VDAC2: variants seen among roughly 807,000 people sequenced by gnomAD.
VDAC2 encodes the protein non-selective voltage-gated ion channel VDAC2.
VDAC2 carries 6 observed loss-of-function variants against 36.6 expected under a neutral mutation model. The ratio of observed to expected loss-of-function variants is 0.16; its 90% CI spans 0.09 to 0.32. VDAC2 has a LOEUF of 0.32. Among genes scored for constraint, VDAC2 ranks in the 10% least tolerant of loss-of-function variants. VDAC2 has a pLI of 1.00. For synonymous variants in VDAC2, 109 were observed against 123.8 expected (o/e 0.88, Z 0.79); for missense variants, 247 against 346.0 (o/e 0.71, Z 2.27).
chr10:75,211,882 C>T (rs971612135), intron 2 of VDAC2, among the ~76,000 whole-genome samples: 9 of 152,208 alleles, frequency 5.9e-5, no homozygotes, highest in African/African-American at 1.2e-4. Flanking sequence ...ATCAGCTCAT[C>T]TCAGTGAATT....
chr10:75,227,600 G>T lies in VDAC2; in HGVS notation c.736-2044G>T, dbSNP rs998748841. ...GAATTTTTTTTTTTTTTTTTTTTTG[G>T]AGACAGAGTCTCACTTTGTTACCCT... On this transcript the variant is annotated intron_variant, in intron 8 of 9. Coordinates refer to ENST00000332211, the MANE Select transcript of VDAC2 (RefSeq NM_001391963.1). Among the ~76,000 whole-genome samples the T allele has an allele frequency of 2.4e-3, 76 of 32,078 alleles. 1 individual carries two copies. The highest frequency in any genetic ancestry group is 0.016 in the African/African-American group (70 of 4,404). The allele number at this position is 32,078 out of a possible 152,430, so 21.0% of individuals were successfully genotyped here.
chr10:75,218,928 G>T, intron 4 of VDAC2, 135 bp from the exon 5 acceptor site: 1 of 857,932 alleles, frequency 1.2e-6, no homozygotes, highest in Non-Finnish European at 1.7e-6. Context: ...AAGGATACGA[G>T]TGTTTAGGAA....
chr10:75,218,933 T>C (rs1841702616), intron 4 of VDAC2, 130 bp from the exon 5 acceptor site: 2 of 896,518 alleles, frequency 2.2e-6, no homozygotes, highest in Admixed American at 3.2e-5. Context: ...TACGAGTGTT[T>C]AGGAAGCTAG....
intron 2 of VDAC2, chr10:75,211,488 A>T (rs1841418693): frequency 1.3e-6 from 2 of 1,531,174 alleles, no homozygotes; most frequent in Admixed American, 4.2e-5. Context: ...GGAGGATCGG[A>T]TCAATCACTT....
rs1841415676 is a variant in VDAC2, at chr10:75,211,396, T to A, written c.31+207T>A. 8.4e-6 allele frequency: 12 copies of A among 1,434,476 alleles called. No individual in the cohort carries two copies. In the South Asian group the frequency reaches 1.5e-4, roughly 17 times the overall value. The allele number at this position is 1,434,476 out of a possible 1,614,324, so 88.9% of individuals were successfully genotyped here. A position where few individuals can be genotyped will look rare whatever the true frequency, so the allele number is the denominator to read the frequency against. On this transcript the variant is annotated intron_variant, in intron 2 of 9. Coordinates refer to ENST00000332211, the MANE Select transcript of VDAC2 (RefSeq NM_001391963.1). ...GGGAACAAGGCCCGGGGAGTTGGTCTGTGGCCGCATGGACTTTTCAGCCTT... is the reference window on the plus strand; with the variant it reads ...GGGAACAAGGCCCGGGGAGTTGGTCAGTGGCCGCATGGACTTTTCAGCCTT...
intron 8 of VDAC2, among the ~76,000 whole-genome samples, chr10:75,229,081 G>A (rs544566692): frequency 1.3e-5 from 2 of 152,126 alleles, no homozygotes; most frequent in Admixed American, 1.3e-4. Context: ...AGCAGCACCG[G>A]CATTTATGAG....
intron 8 of VDAC2, among the ~76,000 whole-genome samples, chr10:75,227,576 A>AGTTTTTTTTTTTTTTTTTTTTTTTT (rs1841989654): frequency 2.2e-5 from 2 of 90,770 alleles, no homozygotes; most frequent in African/African-American, 1.1e-4. Flanking sequence ...AAATAATAGG[A>AGTTTTTTTTTTTTTTTTTTTTTTTT]ATTTTTTTTT....
At chr10:75,215,378 G>T (rs572015347) in intron 4 of VDAC2, among the ~76,000 whole-genome samples, 2 of 150,454 alleles carry the variant, frequency 1.3e-5, no homozygotes, top group African/African-American at 2.4e-5. Flanking sequence ...TTGAGACGGA[G>T]TCTTGCACTG....
At chr10:75,210,970 G>T in intron 1 of VDAC2, 32 bp downstream of exon 1, 1 of 531,670 alleles carries the variant, frequency 1.9e-6, no homozygotes, top group Non-Finnish European at 3.1e-6. Flanking sequence ...GCCGACCCAG[G>T]GGCCTAGGCC....
intron 1 of VDAC2, 75 bp from the exon 2 acceptor site, chr10:75,211,059 C>T (rs1841399221): frequency 1.4e-6 from 2 of 1,398,526 alleles, no homozygotes; most frequent in Non-Finnish European, 1.9e-6. Context: ...CCCCGCGGCC[C>T]CTCGCCCCTC....
At chr10:75,228,274 CTT>C (rs59508378) in intron 8 of VDAC2, among the ~76,000 whole-genome samples, 5 of 132,736 alleles carry the variant, frequency 3.8e-5, no homozygotes, top group East Asian at 2.1e-4. Context: ...ATTTTTCTTT[CTT>C]TTTTTTTTTT....
intron 9 of VDAC2, among the ~76,000 whole-genome samples, chr10:75,230,389 T>TA (rs572571356): frequency 1.0e-3 from 153 of 152,302 alleles, no homozygotes; most frequent in South Asian, 7.7e-3. Flanking sequence ...CACATACTTT[T>TA]AAAAAAATGT....
At chr10:75,222,974 T>C (rs1841858254) in intron 8 of VDAC2, among the ~76,000 whole-genome samples, 1 of 147,146 alleles carries the variant, frequency 6.8e-6, no homozygotes, top group South Asian at 2.2e-4. Context: ...TAATCATCAC[T>C]TTGTCTTTTT....
rs1309663644 is a variant in VDAC2 at position 75,211,170 on chromosome 10, C to G, written c.12C>G (p.His4Gln). The G allele has an allele frequency of 6.2e-6, 10 of 1,613,162 alleles. No individual in the cohort carries two copies. The highest frequency in any genetic ancestry group is 8.5e-6 in the Non-Finnish European group (10 of 1,179,640). ...CCCGCGGCCTCGCCATGGCGACCCACGGACAGACTTGCGCGCGTCGTAAGT... is the reference window on the plus strand; with the variant it reads ...CCCGCGGCCTCGCCATGGCGACCCAGGGACAGACTTGCGCGCGTCGTAAGT... MAT[H>Q]GQTCARPMCI... Residue 4 changes from histidine (H) to glutamine (Q), a missense_variant, in exon 2 of 10, where the codon CAC becomes CAG. By Grantham distance (24) the His-to-Gln change is conservative (BLOSUM62 0). Around this residue, in one of 3 missense-constraint regions of VDAC2, gnomAD observed 76 missense variants for 76.9 expected, o/e 0.99. Transcript: ENST00000332211.
chr10:75,228,954 T>G (rs1028034764), intron 8 of VDAC2, among the ~76,000 whole-genome samples: 1 of 151,560 alleles, frequency 6.6e-6, no homozygotes, highest in Non-Finnish European at 1.5e-5. Context: ...GCCCTTGAAG[T>G]CGGTAACTAA....
chr10:75,211,354 C>A, intron 2 of VDAC2, 165 bp downstream of exon 2: 1 of 1,384,548 alleles, frequency 7.2e-7, no homozygotes, highest in Non-Finnish European at 9.7e-7. Flanking sequence ...AGGGGCTGGG[C>A]TGCTGGATTT....
At chr10:75,210,718 T>G, upstream of VDAC2, 1 of 157,188 alleles carries the variant, frequency 6.4e-6, no homozygotes, top group Non-Finnish European at 1.4e-5. Flanking sequence ...CTGGAGCAGG[T>G]TGGAGTTGGC....
At chr10:75,219,409 A>C in intron 6 of VDAC2, 53 bp downstream of exon 6, 1 of 1,445,942 alleles carries the variant, frequency 6.9e-7, no homozygotes, top group African/African-American at 1.4e-5. Context: ...TCTCTTTTGT[A>C]TATTTAGAAA....
At chr10:75,212,809 T>TAGAAAATTTTTAAAA (rs1370488882) in intron 3 of VDAC2, among the ~76,000 whole-genome samples, 1 of 152,256 alleles carries the variant, frequency 6.6e-6, no homozygotes, top group African/African-American at 2.4e-5. Flanking sequence ...TTAAAAACTG[T>TAGAAAATTTTTAAAA]ACTTAGAAGA....
Sources: gnomAD v4.1 joint callset for allele counts (sites outside exome capture counted in the v4.1 genomes callset) on GRCh38, gnomAD v4.1.1 for gene constraint, gnomAD v4.1.1 regional missense constraint, MANE v1.5 for transcripts, NCBI Gene and HGNC (gene_info 2026-07-23, HGNC 2026-07-21) for gene names.